The following RNGTT variants were observed in gnomAD, a reference collection of about 807,000 sequenced individuals.
The protein encoded by RNGTT is mRNA-capping enzyme.
Under a neutral mutation model 79.3 loss-of-function variants are expected in RNGTT, and 33 were observed. The ratio of observed to expected loss-of-function variants is 0.42; its 90% confidence interval spans 0.32 to 0.56. The LOEUF (loss-of-function observed/expected upper bound fraction) is 0.56. Among genes scored for constraint, RNGTT ranks in the 20% least tolerant of loss-of-function variants. RNGTT has a pLI of 0.17. For missense variants in RNGTT, 497 were observed against 739.1 expected, an observed-to-expected ratio of 0.67 and a Z score of 3.80; for synonymous variants, 222 against 235.9, an observed-to-expected ratio of 0.94 and a Z score of 0.54.
intron 8 of RNGTT, among the ~76,000 whole-genome samples, 157 bp from the exon 9 acceptor site, chr6:88,853,921 AT>A (rs371087729): frequency 2.9e-3 from 419 of 143,054 alleles, no homozygotes; most frequent in Admixed American, 2.7e-3. Flanking sequence ...ACAAATAATA[AT>A]TTTTTTTTTT....
intron 13 of RNGTT, among the ~76,000 whole-genome samples, chr6:88,726,389 CAAAAAA>C (rs61210098): frequency 1.0e-5 from 1 of 99,540 alleles, no homozygotes. Context: ...ATCCTAAGTC[CAAAAAA>C]AAAAAAAAAA....
chr6:88,841,968 C>T (rs1481261141), intron 11 of RNGTT, among the ~76,000 whole-genome samples: 1 of 152,200 alleles, frequency 6.6e-6, no homozygotes, highest in Non-Finnish European at 1.5e-5. Flanking sequence ...GCTCAAAATA[C>T]ATTTAAATTC....
chr6:88,954,423 C>G (rs1225330020), intron 1 of RNGTT, among the ~76,000 whole-genome samples: 1 of 151,942 alleles, frequency 6.6e-6, no homozygotes, highest in Non-Finnish European at 1.5e-5. Flanking sequence ...AGGATTCGTC[C>G]AACAGGAAAA....
intron 14 of RNGTT, among the ~76,000 whole-genome samples, chr6:88,665,415 TG>T (rs35771413): frequency 1.3e-5 from 2 of 152,146 alleles, no homozygotes; most frequent in African/African-American, 4.8e-5. Context: ...TCAGTCTCCA[TG>T]GAACACCCCC....
intron 14 of RNGTT, among the ~76,000 whole-genome samples, chr6:88,620,574 G>A (rs558205271): frequency 1.1e-4 from 16 of 152,112 alleles, no homozygotes; most frequent in Admixed American, 7.9e-4. Context: ...AATAAACTAC[G>A]TTTCACCAAT....
chr6:88,761,406 G>A (rs796766818), intron 13 of RNGTT, among the ~76,000 whole-genome samples: 7 of 152,156 alleles, frequency 4.6e-5, no homozygotes, highest in African/African-American at 1.4e-4. Flanking sequence ...CAGGAGAATC[G>A]CTTGAACCCG....
chr6:88,715,447 C>A (rs1356228602), intron 13 of RNGTT, among the ~76,000 whole-genome samples: 2 of 151,990 alleles, frequency 1.3e-5, no homozygotes, highest in African/African-American at 4.8e-5. Flanking sequence ...ACTTTCTTCA[C>A]AGAATTGGAA....
intron 8 of RNGTT, among the ~76,000 whole-genome samples, chr6:88,869,047 G>C (rs750622954): frequency 2.6e-5 from 4 of 151,978 alleles, no homozygotes; most frequent in Non-Finnish European, 5.9e-5. Flanking sequence ...CACAATTAAG[G>C]TATTTTTAAG....
At chr6:88,783,912 T>A (rs993105620) in intron 12 of RNGTT, among the ~76,000 whole-genome samples, 2 of 152,132 alleles carry the variant, frequency 1.3e-5, no homozygotes, top group Admixed American at 6.5e-5. Flanking sequence ...TCTTTTTTTT[T>A]AAACCAGTAC....
At chr6:88,844,906 A>G (rs1781438005) in intron 10 of RNGTT, among the ~76,000 whole-genome samples, 1 of 152,098 alleles carries the variant, frequency 6.6e-6, no homozygotes, top group Admixed American at 6.5e-5. Context: ...TGGGCAACAG[A>G]GCAAGACCAC....
intron 12 of RNGTT, among the ~76,000 whole-genome samples, chr6:88,788,853 T>C (rs1779312978): frequency 6.6e-6 from 1 of 152,222 alleles, no homozygotes; most frequent in Non-Finnish European, 1.5e-5. Flanking sequence ...AATAAGATAT[T>C]AGTGTACTTC....
At chr6:88,670,234 T>C (rs978755360) in intron 14 of RNGTT, among the ~76,000 whole-genome samples, 1 of 152,170 alleles carries the variant, frequency 6.6e-6, no homozygotes, top group Non-Finnish European at 1.5e-5. Context: ...TGATCCTGGG[T>C]CTGTATTTGG....
chr6:88,812,558 T>G (rs907342797), intron 11 of RNGTT, among the ~76,000 whole-genome samples: 13 of 152,232 alleles, frequency 8.5e-5, no homozygotes, highest in African/African-American at 2.9e-4. Flanking sequence ...AAGAGTTTAC[T>G]CCATGTCTAT....
chr6:88,749,424 A>C (rs1014761406), intron 13 of RNGTT, among the ~76,000 whole-genome samples: 1 of 152,054 alleles, frequency 6.6e-6, no homozygotes, highest in African/African-American at 2.4e-5. Context: ...TAGGGTAATC[A>C]CCAAGAAAAC....
chr6:88,847,847 G>C (rs1781534688), intron 10 of RNGTT, among the ~76,000 whole-genome samples: 2 of 151,572 alleles, frequency 1.3e-5, no homozygotes, highest in African/African-American at 4.8e-5. Context: ...GAAAGGACTA[G>C]AATCTAGGAA....
In RNGTT at chr6:88,810,699, T is replaced by C. The variant is rs191110586; in HGVS notation, c.1270-9067A>G. On this transcript the variant is annotated intron_variant, in intron 11 of 15. Transcript: ENST00000369485. ...ATATTACATTCAAAAAATAACCTAC[T>C]GTTTCTTTTTCTCCTTTTCTATATA... 1.9e-3 allele frequency among the ~76,000 whole-genome samples: 291 copies of C among 152,352 alleles called. 4 individuals are homozygous for C. The highest frequency in any genetic ancestry group is 6.9e-3 in the African/African-American group (285 of 41,582).
intron 11 of RNGTT, among the ~76,000 whole-genome samples, chr6:88,843,104 C>T (rs1410844637): frequency 6.7e-6 from 1 of 148,376 alleles, no homozygotes; most frequent in Non-Finnish European, 1.5e-5. Context: ...AAACAAAAAA[C>T]TCATACTCAC....
chr6:88,786,321 A>G lies in RNGTT; in HGVS notation c.1338+15243T>C, dbSNP rs186320221. On this transcript the variant is annotated intron_variant, in intron 12 of 15. Transcript: ENST00000369485. ...CATAAATCTACACTAAAATCAACTT[A>G]TAAAAGCTAGTAAACAAATAAGATT... 3.0e-4 allele frequency among the ~76,000 whole-genome samples: 45 copies of G among 152,326 alleles called. No homozygotes were observed. The East Asian group carries it at 8.5e-3, about 29-fold the overall frequency.
chr6:88,822,268 G>A (rs974232005), intron 11 of RNGTT, among the ~76,000 whole-genome samples: 2 of 152,116 alleles, frequency 1.3e-5, no homozygotes, highest in Admixed American at 6.6e-5. Flanking sequence ...ATTTCCCCTC[G>A]AGATGATAGC....
Sources: gnomAD v4.1 joint callset for allele counts (sites outside exome capture counted in the v4.1 genomes callset) on GRCh38, gnomAD v4.1.1 for gene constraint, MANE v1.5 for transcripts, NCBI Gene and HGNC (gene_info 2026-07-23, HGNC 2026-07-21) for gene names.